Variants in KCNE3 observed in about 807,000 individuals in gnomAD.
The protein encoded by KCNE3 is potassium voltage-gated channel subfamily E member 3.
Under a neutral mutation model 4.3 loss-of-function variants are expected in KCNE3, and 2 were observed. The ratio of observed to expected loss-of-function variants is 0.47; its 90% CI spans 0.19 to 1.48. The LOEUF is 1.48. Among genes scored for constraint, KCNE3 ranks in the 40% most tolerant of loss-of-function variants. The pLI, the probability that KCNE3 is intolerant of heterozygous loss-of-function variation, is 0.25. For synonymous variants in KCNE3, 47 were observed against 52.0 expected, an observed-to-expected ratio of 0.90 and a Z score of 0.41; for missense variants, 128 against 136.8, an observed-to-expected ratio of 0.94 and a Z score of 0.32.
At chr11:74,459,285 G>A (rs1256727567) in intron 2 of KCNE3, among the ~76,000 whole-genome samples, 12 of 114,094 alleles carry the variant, frequency 1.1e-4, no homozygotes, top group Non-Finnish European at 2.1e-4. Context: ...TTTTTGAGAC[G>A]GAGTCTCACT....
At chr11:74,466,156 T>G (rs1591232366) in intron 1 of KCNE3, among the ~76,000 whole-genome samples, 1 of 152,322 alleles carries the variant, frequency 6.6e-6, no homozygotes, top group African/African-American at 2.4e-5. Flanking sequence ...GGCCAACACG[T>G]CTAGCCGTGC....
chr11:74,466,589 GT>G (rs919757872), intron 1 of KCNE3, among the ~76,000 whole-genome samples: 2 of 152,184 alleles, frequency 1.3e-5, no homozygotes. Flanking sequence ...TGGGGCATCA[GT>G]TTCCCTATAT....
intron 2 of KCNE3, among the ~76,000 whole-genome samples, chr11:74,459,071 C>A (rs1353121535): frequency 6.6e-6 from 1 of 152,046 alleles, no homozygotes; most frequent in Non-Finnish European, 1.5e-5. Flanking sequence ...CAGCTTGGGC[C>A]TGAGGGCGGG....
rs184157050 is a variant in KCNE3, at chr11:74,467,064, G to C, written c.-190+334C>G. Among the ~76,000 whole-genome samples the C allele has an allele frequency of 6.6e-6, 1 of 152,234 alleles. No homozygotes were observed. The highest frequency in any genetic ancestry group is 1.5e-5 in the Non-Finnish European group (1 of 68,048). ...CGTGTGCACTGGCTGCCAGCTGCAA[G>C]TGTTCGCTTGCACGTCTGTGGGTGT... On this transcript the variant is annotated intron_variant, in intron 1 of 2. Transcript: ENST00000310128. This position sits in a 1 kb window ranked among gnomAD's most constrained non-coding sequence, Gnocchi z 4.4.
Position 74,462,035 on chromosome 11 carries a change from G to A in KCNE3, c.-121C>T, listed in dbSNP as rs1404457125. On this transcript the variant is annotated 5_prime_UTR_variant, in exon 2 of 3. Transcript: ENST00000310128. ...CACACTAAGGCTCCTCCACCCCCGA[G>A]CCTCTTCAGGATGTCTCTGGACACA... is the stretch of plus-strand genomic sequence containing the variant. 1 of 152,248 alleles carries A rather than the reference G, an allele frequency of 6.6e-6. No homozygotes were observed. The highest frequency in any genetic ancestry group is 2.4e-5 in the African/African-American group (1 of 41,446). The allele number at this position is 152,248 out of a possible 1,614,324, so 9.4% of individuals were successfully genotyped here. A position where few individuals can be genotyped will look rare whatever the true frequency, so the allele number is the denominator to read the frequency against.
intron 1 of KCNE3, chr11:74,464,181 T>C (rs1864013011): frequency 6.6e-6 from 1 of 152,230 alleles, no homozygotes; most frequent in Non-Finnish European, 1.5e-5. Flanking sequence ...AGTTGGGGAA[T>C]AAAGCTGTGA....
In KCNE3 at chr11:74,466,442, A is replaced by G. The variant is rs905166197; in HGVS notation, c.-190+956T>C. Among the ~76,000 whole-genome samples the G allele has an allele frequency of 5.3e-5, 8 of 152,192 alleles. 1 individual carries two copies. Among genetic ancestry groups the G allele is most frequent in the African/African-American group, 1.9e-4 (8 of 41,442 alleles). On this transcript the variant is annotated intron_variant, in intron 1 of 2. Coordinates refer to ENST00000310128, the MANE Select transcript of KCNE3 (RefSeq NM_005472.5). ...AGGAACAGACAAAGTGGACGGATGCAAGGAAATAAGGAGGAGCTCACACGT... is the reference window on the plus strand; with the variant it reads ...AGGAACAGACAAAGTGGACGGATGCGAGGAAATAAGGAGGAGCTCACACGT...
At chr11:74,459,481 C>A (rs1473710766) in intron 2 of KCNE3, among the ~76,000 whole-genome samples, 4 of 152,000 alleles carry the variant, frequency 2.6e-5, no homozygotes, top group African/African-American at 9.7e-5. Flanking sequence ...CCAGGATGGT[C>A]TCGATCTCCT....
intron 1 of KCNE3, among the ~76,000 whole-genome samples, chr11:74,462,560 C>A (rs1863976997): frequency 1.3e-5 from 2 of 152,210 alleles, no homozygotes; most frequent in South Asian, 4.1e-4. Flanking sequence ...TGTGTTACCA[C>A]CCAATCTATT....
chr11:74,463,509 G>A (rs1297829642), intron 1 of KCNE3, among the ~76,000 whole-genome samples: 1 of 152,116 alleles, frequency 6.6e-6, no homozygotes, highest in African/African-American at 2.4e-5. Context: ...CTGTTTCTGA[G>A]CTCCTTGGCT....
rs1264246665 is a variant in KCNE3, at chr11:74,456,301, C to T, written c.*951G>A. 1 of 141,308 alleles carries T rather than the reference C, an allele frequency of 7.1e-6. No individual in the cohort carries two copies. The highest frequency in any genetic ancestry group is 1.5e-5 in the Non-Finnish European group (1 of 65,456). 8.8% of individuals were successfully genotyped at this position (141,308 alleles called of 1,614,324 possible). On this transcript the variant is annotated 3_prime_UTR_variant, in exon 3 of 3. Transcript: ENST00000310128. ...GAGCCAAGATTGGGTTGCTGCACCA[C>T]AGCCTGGGTGACATAGGGAGACTGT...
chr11:74,463,585 G>A (rs72550301), intron 1 of KCNE3, among the ~76,000 whole-genome samples: 23 of 152,132 alleles, frequency 1.5e-4, no homozygotes, highest in Non-Finnish European at 2.5e-4. Context: ...TCCTGCCCTG[G>A]AGAGGTCTTG....
intron 2 of KCNE3, among the ~76,000 whole-genome samples, chr11:74,459,845 G>A (rs1186601128): frequency 1.3e-5 from 2 of 152,132 alleles, no homozygotes; most frequent in Non-Finnish European, 1.5e-5. Flanking sequence ...GAGACTGGGT[G>A]TTCTCCTTTC....
At chr11:74,459,416 C>T (rs1335151450) in intron 2 of KCNE3, among the ~76,000 whole-genome samples, 1 of 151,984 alleles carries the variant, frequency 6.6e-6, no homozygotes, top group East Asian at 1.9e-4. Flanking sequence ...CGCCCGCCAT[C>T]ACGCCAGGCT....
chr11:74,460,056 G>A (rs974098985), intron 2 of KCNE3, among the ~76,000 whole-genome samples: 5 of 152,216 alleles, frequency 3.3e-5, no homozygotes, highest in South Asian at 4.1e-4. Flanking sequence ...CCCTGGAAAA[G>A]ATGATCATTC....
rs192236966 is a variant in KCNE3, at chr11:74,457,717, T to G, written c.-40-114A>C. On this transcript the variant is annotated intron_variant, in intron 2 of 2. Transcript: ENST00000310128. ...CATCATGGCTGATATGGTTTGGCTGTGTCCCCACCCAAATCTCATCTGGAA... is the reference window on the plus strand; with the variant it reads ...CATCATGGCTGATATGGTTTGGCTGGGTCCCCACCCAAATCTCATCTGGAA... 583 of 726,298 alleles carry G rather than the reference T, an allele frequency of 8.0e-4. 3 individuals are homozygous for G. The highest frequency in any genetic ancestry group is 7.9e-3 in the East Asian group (294 of 37,308). The allele number at this position is 726,298 out of a possible 1,614,324, so 45.0% of individuals were successfully genotyped here.
In KCNE3 at chr11:74,460,269, G is replaced by A. The variant is rs562807076; in HGVS notation, c.-41+1686C>T. 1.5e-4 allele frequency among the ~76,000 whole-genome samples: 23 copies of A among 152,328 alleles called. 1 individual carries two copies. The Middle Eastern group carries it at 0.014, about 90-fold the overall frequency. ...ATCTACTACCCCATGTGTCAGGCAA[G>A]AACTCTGTGGCTGCTGCTTCCCTCG... is the stretch of plus-strand genomic sequence containing the variant. On this transcript the variant is annotated intron_variant, in intron 2 of 2. Transcript: ENST00000310128.
intron 2 of KCNE3, among the ~76,000 whole-genome samples, chr11:74,459,555 G>C (rs912284752): frequency 4.6e-5 from 7 of 152,008 alleles, no homozygotes; most frequent in African/African-American, 1.5e-4. Context: ...CAGCCAGAAA[G>C]AACATCTTAA....
At chr11:74,464,001 G>A (rs964020876) in intron 1 of KCNE3, among the ~76,000 whole-genome samples, 3 of 152,188 alleles carry the variant, frequency 2.0e-5, no homozygotes, top group African/African-American at 7.2e-5. Context: ...AGCTTGGGAG[G>A]AGGAGTTAGA....
Sources: gnomAD v4.1 joint callset for allele counts (sites outside exome capture counted in the v4.1 genomes callset) on GRCh38, gnomAD v4.1.1 for gene constraint, Gnocchi (gnomAD v3.1) non-coding constraint, MANE v1.5 for transcripts, NCBI Gene and HGNC (gene_info 2026-07-23, HGNC 2026-07-21) for gene names.